Variants in CNNM2 observed in about 807,000 individuals in gnomAD.
CNNM2 encodes the protein metal transporter CNNM2.
CNNM2 carries 12 observed loss-of-function variants against 66.9 expected under a neutral mutation model. The ratio of observed to expected loss-of-function variants is 0.18; its 90% CI spans 0.11 to 0.29. The LOEUF (loss-of-function observed/expected upper bound fraction) is 0.29, where lower values mean the gene tolerates loss of function less well. Among genes scored for constraint, CNNM2 ranks in the 10% least tolerant of loss-of-function variants. The pLI, the probability that CNNM2 is intolerant of heterozygous loss-of-function variation, is 1.00. For synonymous variants in CNNM2, 557 were observed against 501.8 expected, an observed-to-expected ratio of 1.11 and a Z score of -1.47; for missense variants, 705 against 1,167.7, an observed-to-expected ratio of 0.60 and a Z score of 5.77.
chr10:103,045,808 TTTTTA>T (rs1324470000), intron 1 of CNNM2, among the ~76,000 whole-genome samples: 3 of 152,210 alleles, frequency 2.0e-5, no homozygotes, highest in Non-Finnish European at 4.4e-5. Flanking sequence ...TCTTTTTAAC[TTTTTA>T]TTTTATTTTT....
chr10:103,028,462 G>A lies in CNNM2; in HGVS notation c.1622-21245G>A, dbSNP rs143281472. On this transcript the variant is annotated intron_variant, in intron 1 of 7. Transcript: ENST00000369878. ...CAACAGAGGAAGGAGCACAGGGTTT[G>A]ATTTCTACTTGTTTTTCAAGTGGGC... Among the ~76,000 whole-genome samples the A allele has an allele frequency of 3.9e-3, 593 of 152,290 alleles. 1 individual carries two copies. The highest frequency in any genetic ancestry group is 6.6e-3 in the Non-Finnish European group (446 of 68,024).
At chr10:102,956,497 G>T (rs1847041699) in intron 1 of CNNM2, among the ~76,000 whole-genome samples, 2 of 152,202 alleles carry the variant, frequency 1.3e-5, no homozygotes, top group South Asian at 2.1e-4. Context: ...TATAAATCAT[G>T]CTACTATAAA....
intron 1 of CNNM2, among the ~76,000 whole-genome samples, chr10:102,928,265 A>G (rs1375129919): frequency 6.6e-6 from 1 of 152,320 alleles, no homozygotes; most frequent in South Asian, 2.1e-4. Flanking sequence ...CTGCTGTAAC[A>G]AAATACCACA....
rs1564877120 is a variant in CNNM2 at position 103,083,745 on chromosome 10, TAA to T, written c.*6566_*6567del. 6.6e-6 allele frequency: 1 copy of T among 152,208 alleles called. No individual in the cohort carries two copies. Among genetic ancestry groups the T allele is most frequent in the Non-Finnish European group, 1.5e-5 (1 of 68,058 alleles). 9.4% of individuals were successfully genotyped at this position (152,208 alleles called of 1,614,324 possible). ...CAGACATTGGCTGCTCAGTCACTAA[TAA>T]CAACACACAGTGCCGCTGGGCTAAG... On this transcript the variant is annotated 3_prime_UTR_variant, in exon 8 of 8. Coordinates refer to ENST00000369878, the MANE Select transcript of CNNM2 (RefSeq NM_017649.5).
rs868254275 is a variant in CNNM2 at position 102,935,604 on chromosome 10, A to T, written c.1621+15503A>T. On this transcript the variant is annotated intron_variant, in intron 1 of 7. Transcript: ENST00000369878. ...TGAGCAGTATGGTCCTTTAAAAAAA[A>T]ATTTTTTTTTTTTTTTTTTTGAGAC... 2.1e-4 allele frequency among the ~76,000 whole-genome samples: 29 copies of T among 140,862 alleles called. 1 individual carries two copies. The South Asian group carries it at 6.5e-3, about 32-fold the overall frequency. 92.4% of individuals were successfully genotyped at this position (140,862 alleles called of 152,430 possible). A position where few individuals can be genotyped will look rare whatever the true frequency, so the allele number is the denominator to read the frequency against.
intron 1 of CNNM2, among the ~76,000 whole-genome samples, chr10:103,000,766 A>G (rs2064103773): frequency 6.6e-6 from 1 of 152,002 alleles, no homozygotes; most frequent in Non-Finnish European, 1.5e-5. Context: ...TTTAGTAGAG[A>G]TGGGGTTTTG....
At chr10:103,039,178 T>G (rs946957472) in intron 1 of CNNM2, among the ~76,000 whole-genome samples, 2 of 152,098 alleles carry the variant, frequency 1.3e-5, no homozygotes, top group African/African-American at 4.8e-5. Context: ...GGAGTCTCGC[T>G]CTGTCAGCCA....
At chr10:102,950,238 T>G (rs1450215710) in intron 1 of CNNM2, among the ~76,000 whole-genome samples, 3 of 152,148 alleles carry the variant, frequency 2.0e-5, no homozygotes. Context: ...AGTTGATTAA[T>G]TTGATGGAGG....
At chr10:102,970,360 G>A (rs2063530248) in intron 1 of CNNM2, among the ~76,000 whole-genome samples, 1 of 152,206 alleles carries the variant, frequency 6.6e-6, no homozygotes, top group African/African-American at 2.4e-5. Flanking sequence ...TCAAATTTCA[G>A]TGTCATAAAT....
At chr10:102,959,976 C>T (rs889226173) in intron 1 of CNNM2, among the ~76,000 whole-genome samples, 4 of 151,284 alleles carry the variant, frequency 2.6e-5, no homozygotes, top group South Asian at 2.1e-4. Flanking sequence ...GGTGTGAACC[C>T]GGGAGGTGGA....
chr10:102,954,158 C>G (rs1034781170), intron 1 of CNNM2, among the ~76,000 whole-genome samples: 1 of 148,462 alleles, frequency 6.7e-6, no homozygotes, highest in Non-Finnish European at 1.5e-5. Context: ...CAGGGTTTCC[C>G]TCTGTCATCA....
chr10:102,998,478 A>C (rs1281027614), intron 1 of CNNM2, among the ~76,000 whole-genome samples: 2 of 152,224 alleles, frequency 1.3e-5, no homozygotes, highest in African/African-American at 2.4e-5. Context: ...ATGCGAACTT[A>C]AAGTAAACAA....
intron 1 of CNNM2, among the ~76,000 whole-genome samples, chr10:102,946,941 C>A (rs1846638647): frequency 6.6e-6 from 1 of 152,092 alleles, no homozygotes; most frequent in Non-Finnish European, 1.5e-5. Context: ...TGTTAGTATC[C>A]ATTTTTTCCC....
Position 103,077,023 on chromosome 10 carries a change from C to A in CNNM2, c.2471C>A (p.Thr824Asn). Residue 824 changes from threonine (T) to asparagine (N), a missense_variant, in exon 8 of 8, where the codon ACC (threonine) becomes AAC (asparagine). This residue lies in a region of CNNM2 where 194 missense variants were observed against 227.6 expected (regional missense o/e 0.85). Coordinates refer to ENST00000369878, the MANE Select transcript of CNNM2 (RefSeq NM_017649.5). ...TTGATGGCATCCCGGATGGACAAAACCCCCCAGTCTTCAGACAGTGAAAAC... is the reference window on the plus strand; with the variant it reads ...TTGATGGCATCCCGGATGGACAAAAACCCCCAGTCTTCAGACAGTGAAAAC... ...NALMASRMDKTPQSSDSENTK... is the reference protein window; with the variant it reads ...NALMASRMDKNPQSSDSENTK... 6.2e-7 allele frequency: 1 copy of A among 1,613,536 alleles called. No individual in the cohort carries two copies. The highest frequency in any genetic ancestry group is 8.5e-7 in the Non-Finnish European group (1 of 1,179,690).
Position 103,056,814 on chromosome 10 carries a change from A to G in CNNM2, c.1923A>G (p.Pro641=), listed in dbSNP as rs1216108633. 2 of 1,613,906 alleles carry G rather than the reference A, an allele frequency of 1.2e-6. No individual in the cohort carries two copies. The highest frequency in any genetic ancestry group is 1.7e-5 in the Admixed American group (1 of 60,006). The change falls in exon 4 of 8, where the codon CCA becomes CCG. Residue 641 remains proline, a synonymous_variant. Transcript: ENST00000369878. ...CTATAGAAGTAGAAGCATTTAGCCC[A>G]TCCCAGATGTCAGAGAAGATCCTTC... ...FLATEVEAFS[P]SQMSEKILLR...
At chr10:103,020,595 T>A (rs545771495) in intron 1 of CNNM2, among the ~76,000 whole-genome samples, 1 of 152,328 alleles carries the variant, frequency 6.6e-6, no homozygotes, top group Admixed American at 6.5e-5. Flanking sequence ...AGTAGAACTT[T>A]CTTTCTAGTG....
intron 4 of CNNM2, among the ~76,000 whole-genome samples, chr10:103,067,779 G>A (rs1044567825): frequency 6.6e-5 from 10 of 152,166 alleles, no homozygotes; most frequent in African/African-American, 2.4e-4. Flanking sequence ...ACAAGTTAGC[G>A]AAAGTGAAGA....
At chr10:103,012,162 C>T (rs1391928181) in intron 1 of CNNM2, among the ~76,000 whole-genome samples, 2 of 152,140 alleles carry the variant, frequency 1.3e-5, no homozygotes, top group Non-Finnish European at 2.9e-5. Context: ...TCATTTTATG[C>T]TTATGTAAGT....
intron 1 of CNNM2, chr10:102,927,195 GTA>G: frequency 4.4e-6 from 4 of 918,734 alleles, no homozygotes; most frequent in Non-Finnish European, 6.6e-6. Flanking sequence ...ATGTGTGTAT[GTA>G]TATGTTATTG....
Sources: allele counts gnomAD v4.1 joint callset (sites outside exome capture counted in the v4.1 genomes callset), GRCh38; gene constraint gnomAD v4.1.1; regional missense constraint gnomAD v4.1.1; transcripts MANE v1.5; gene names NCBI Gene and HGNC (gene_info 2026-07-23, HGNC 2026-07-21).